The following VPS8 variants were observed in gnomAD, a reference collection of about 807,000 sequenced individuals.
VPS8 encodes vacuolar protein sorting-associated protein 8 homolog.
A neutral mutation model predicts 216.4 loss-of-function variants in VPS8; 129 were observed. The ratio of observed to expected loss-of-function variants is 0.60; its 90% CI spans 0.52 to 0.69. The LOEUF (loss-of-function observed/expected upper bound fraction) is 0.69, where lower values mean the gene tolerates loss of function less well. Ranked by LOEUF, VPS8 falls within the 30% of genes least tolerant of loss-of-function variation. The probability of loss-of-function intolerance (pLI) is 0.00; values close to 1 mark genes in which losing one functional copy is unlikely to be tolerated. For synonymous variants in VPS8, 571 were observed against 565.4 expected, an observed-to-expected ratio of 1.01 and a Z score of -0.14; for missense variants, 1,531 against 1,683.5, an observed-to-expected ratio of 0.91 and a Z score of 1.59.
intron 2 of VPS8, among the ~76,000 whole-genome samples, chr3:184,825,863 T>G (rs1718647772): frequency 6.6e-6 from 1 of 151,112 alleles, no homozygotes; most frequent in South Asian, 2.1e-4. Flanking sequence ...ATCACACCAT[T>G]GCACTCCAGC....
At chr3:184,930,680 G>A (rs1309088591) in intron 34 of VPS8, 112 bp downstream of exon 34, 3 of 725,944 alleles carry the variant, frequency 4.1e-6, no homozygotes, top group African/African-American at 3.5e-5. Flanking sequence ...TTAATTTAGG[G>A]TTGAAATCTT....
At chr3:184,950,216 C>CTT (rs10700220) in intron 36 of VPS8, among the ~76,000 whole-genome samples, 1,029 of 39,910 alleles carry the variant, frequency 0.026, 328 homozygotes, top group African/African-American at 0.093. Flanking sequence ...CAGTTTTCTG[C>CTT]TTTTTTTTTT....
chr3:185,032,933 C>G (rs1758379443), intron 46 of VPS8, among the ~76,000 whole-genome samples: 1 of 152,192 alleles, frequency 6.6e-6, no homozygotes, highest in African/African-American at 2.4e-5. Context: ...TCCCAAAGTG[C>G]TGGGATTACA....
At chr3:184,824,468 G>T in intron 1 of VPS8, 77 bp from the exon 2 acceptor site, 1 of 725,864 alleles carries the variant, frequency 1.4e-6, no homozygotes, top group Non-Finnish European at 2.2e-6. Context: ...GTAAGTCTTT[G>T]GAATGTCCAA....
chr3:184,992,130 G>A (rs1009159961), intron 42 of VPS8, among the ~76,000 whole-genome samples: 6 of 152,124 alleles, frequency 3.9e-5, no homozygotes, highest in Admixed American at 3.9e-4. Flanking sequence ...GTTAGAAACT[G>A]CACAACCTAT....
At chr3:185,023,020 T>C (rs1409781527) in intron 45 of VPS8, among the ~76,000 whole-genome samples, 1 of 152,204 alleles carries the variant, frequency 6.6e-6, no homozygotes, top group Non-Finnish European at 1.5e-5. Context: ...AAACTGGACA[T>C]ACATAAAGTG....
chr3:185,032,507 C>T (rs532201264), intron 46 of VPS8, among the ~76,000 whole-genome samples: 3 of 152,118 alleles, frequency 2.0e-5, no homozygotes, highest in South Asian at 2.1e-4. Context: ...TGTGGTCAGC[C>T]GATTCTCAGA....
chr3:184,848,990 A>G (rs2108645887), intron 8 of VPS8, 81 bp from the exon 9 acceptor site: 1 of 1,490,858 alleles, frequency 6.7e-7, no homozygotes, highest in Non-Finnish European at 9.2e-7. Context: ...TCACCTCCCA[A>G]GTCTTTGAAA....
At position 184,894,697 on chromosome 3, in the gene VPS8, T is replaced by C. The variant is rs1019412202; in HGVS notation, c.1782-6T>C. The C allele has an allele frequency of 6.3e-7, 1 of 1,584,482 alleles. No individual in the cohort carries two copies. ...AAAAGTTTTTCTCCCCCCCTTTCTG[T>C]TACAGGGATCTTTTATTTAGTCAGA... On this transcript the variant is annotated splice_polypyrimidine_tract_variant and splice_region_variant and intron_variant, in intron 22 of 47. Transcript: ENST00000625842.
intron 3 of VPS8, among the ~76,000 whole-genome samples, chr3:184,828,991 A>G (rs374802636): frequency 4.6e-5 from 7 of 152,150 alleles, no homozygotes; most frequent in East Asian, 3.9e-4. Context: ...TATAGTGTGT[A>G]CTTTTCTGTT....
At chr3:184,813,408 A>G (rs570895059) in intron 1 of VPS8, among the ~76,000 whole-genome samples, 2 of 152,234 alleles carry the variant, frequency 1.3e-5, no homozygotes, top group Admixed American at 6.5e-5. Flanking sequence ...GTGTATGTCT[A>G]TGTCTGCCTG....
At chr3:184,982,487 CT>C in intron 40 of VPS8, 78 bp from the exon 41 acceptor site, 1 of 975,944 alleles carries the variant, frequency 1.0e-6, no homozygotes, top group Non-Finnish European at 1.6e-6. Flanking sequence ...AAACATCATG[CT>C]GATGTTAGTT....
intron 34 of VPS8, among the ~76,000 whole-genome samples, chr3:184,935,918 A>G (rs142614616): frequency 7.2e-5 from 11 of 152,300 alleles, no homozygotes; most frequent in African/African-American, 1.9e-4. Flanking sequence ...GGTGAAATGC[A>G]TTGACAGGAA....
chr3:184,820,873 A>C (rs1475642843), intron 1 of VPS8, among the ~76,000 whole-genome samples: 1 of 152,206 alleles, frequency 6.6e-6, no homozygotes, highest in Non-Finnish European at 1.5e-5. Context: ...TTATAATTAA[A>C]GTTTTTATTA....
At chr3:184,827,766 C>T (rs1210711191) in intron 3 of VPS8, among the ~76,000 whole-genome samples, 1 of 152,098 alleles carries the variant, frequency 6.6e-6, no homozygotes, top group Non-Finnish European at 1.5e-5. Context: ...TTATCATCCT[C>T]AATAGTAGTT....
At chr3:184,920,019 A>G in intron 28 of VPS8, 108 bp from the exon 29 acceptor site, 1 of 794,952 alleles carries the variant, frequency 1.3e-6, no homozygotes, top group South Asian at 1.8e-5. Context: ...AGGAATAGTT[A>G]TCTTATTTGA....
At chr3:184,886,071 G>A (rs372112991) in intron 21 of VPS8, 39 bp from the exon 22 acceptor site, 65 of 1,593,416 alleles carry the variant, frequency 4.1e-5, no homozygotes, top group Non-Finnish European at 5.0e-5. Flanking sequence ...CACTGGACAG[G>A]GTTGTGGGGC....
At chr3:184,850,469 C>T (rs2108654039) in intron 10 of VPS8, among the ~76,000 whole-genome samples, 1 of 152,214 alleles carries the variant, frequency 6.6e-6, no homozygotes, top group African/African-American at 2.4e-5. Context: ...GTTCAAGGCA[C>T]AGATCGTGAA....
At chr3:185,015,983 A>G (rs1275204801) in intron 45 of VPS8, among the ~76,000 whole-genome samples, 1 of 152,286 alleles carries the variant, frequency 6.6e-6, no homozygotes, top group East Asian at 1.9e-4. Context: ...CTCTGGATCT[A>G]TTCTATTTAT....
Sources: gnomAD v4.1 joint callset for allele counts (sites outside exome capture counted in the v4.1 genomes callset) on GRCh38, gnomAD v4.1.1 for gene constraint, MANE v1.5 for transcripts, NCBI Gene and HGNC (gene_info 2026-07-23, HGNC 2026-07-21) for gene names.